Variants in TRAK1 observed in about 807,000 individuals in gnomAD.
TRAK1 encodes the protein trafficking kinesin protein 1.
TRAK1 carries 33 observed loss-of-function variants against 92.1 expected under a neutral mutation model. The ratio of observed to expected loss-of-function variants is 0.36; its 90% CI spans 0.27 to 0.48. The LOEUF is 0.48. Among genes scored for constraint, TRAK1 ranks in the 20% least tolerant of loss-of-function variants. The pLI is 0.99. For missense variants in TRAK1, 1,123 were observed against 1,257.9 expected, an observed-to-expected ratio of 0.89 and a Z score of 1.62; for synonymous variants, 521 against 517.3, an observed-to-expected ratio of 1.01 and a Z score of -0.10.
At chr3:42,215,517 TG>T (rs1709584848) in intron 14 of TRAK1, among the ~76,000 whole-genome samples, 3 of 152,144 alleles carry the variant, frequency 2.0e-5, no homozygotes, top group Admixed American at 6.5e-5. Flanking sequence ...TGTGTGTGTG[TG>T]TGTGTGTACT....
At chr3:42,038,506 C>T (rs1702408572) in intron 1 of TRAK1, among the ~76,000 whole-genome samples, 1 of 152,144 alleles carries the variant, frequency 6.6e-6, no homozygotes, top group Non-Finnish European at 1.5e-5. Context: ...TTTGTAGCGG[C>T]CAGGCACAGT....
intron 1 of TRAK1, among the ~76,000 whole-genome samples, chr3:42,109,952 T>C (rs1233359001): frequency 6.7e-6 from 1 of 149,786 alleles, no homozygotes; most frequent in Non-Finnish European, 1.5e-5. Flanking sequence ...GGGCCTGTCA[T>C]GGGGTAGGGG....
intron 1 of TRAK1, among the ~76,000 whole-genome samples, chr3:42,014,356 C>T (rs1043325483): frequency 6.6e-6 from 1 of 152,172 alleles, no homozygotes; most frequent in African/African-American, 2.4e-5. Flanking sequence ...ATTCCGCGCT[C>T]CGGCACTCCG....
At chr3:42,088,922 C>T (rs1284079570), upstream of TRAK1, among the ~76,000 whole-genome samples, 1 of 152,164 alleles carries the variant, frequency 6.6e-6, no homozygotes, top group Admixed American at 6.5e-5. Flanking sequence ...TGATCTCACC[C>T]AGCACACAGG....
At chr3:42,133,279 A>T (rs1238900337) in intron 2 of TRAK1, among the ~76,000 whole-genome samples, 4 of 152,116 alleles carry the variant, frequency 2.6e-5, no homozygotes, top group Admixed American at 2.6e-4. Context: ...ACCCTATAGC[A>T]GCCCCACCAG....
intron 2 of TRAK1, among the ~76,000 whole-genome samples, chr3:42,136,541 T>A (rs996464334): frequency 3.3e-5 from 5 of 151,988 alleles, no homozygotes; most frequent in African/African-American, 1.2e-4. Context: ...GGCGGGTCAC[T>A]TAAGCCAGGA....
intron 3 of TRAK1, among the ~76,000 whole-genome samples, chr3:42,179,884 C>A (rs746314805): frequency 6.6e-5 from 10 of 152,036 alleles, no homozygotes; most frequent in Admixed American, 2.0e-4. Flanking sequence ...CATCTTCTAG[C>A]TGTTTTCTTG....
chr3:42,167,526 C>A (rs1702019184), intron 2 of TRAK1, among the ~76,000 whole-genome samples: 1 of 152,158 alleles, frequency 6.6e-6, no homozygotes, highest in Non-Finnish European at 1.5e-5. Context: ...GGGCCCTCAC[C>A]CCGTTCCAGT....
At chr3:42,214,267 G>T (rs915064466) in intron 14 of TRAK1, among the ~76,000 whole-genome samples, 5 of 152,180 alleles carry the variant, frequency 3.3e-5, no homozygotes, top group African/African-American at 1.2e-4. Flanking sequence ...AGGAGGAGCT[G>T]TGCAACCACA....
chr3:42,069,630 C>A (rs113157186), intron 1 of TRAK1, among the ~76,000 whole-genome samples: 1 of 152,114 alleles, frequency 6.6e-6, no homozygotes, highest in South Asian at 2.1e-4. Flanking sequence ...ATCTCTAGAG[C>A]GTCTTTTCTT....
At chr3:42,182,513 AAACTCCT>A in intron 3 of TRAK1, among the ~76,000 whole-genome samples, 1 of 152,214 alleles carries the variant, frequency 6.6e-6, no homozygotes, top group South Asian at 2.1e-4. Context: ...GGCTGGTCTC[AAACTCCT>A]GACCTCAAGT....
At chr3:42,209,693 G>A in intron 13 of TRAK1, 74 bp from the exon 14 acceptor site, 1 of 1,447,124 alleles carries the variant, frequency 6.9e-7, no homozygotes, top group Non-Finnish European at 9.5e-7. Context: ...GTGGTAAACA[G>A]CCATTGTCTT....
intron 9 of TRAK1, 96 bp from the exon 10 acceptor site, chr3:42,194,708 T>G: frequency 6.8e-7 from 1 of 1,472,922 alleles, no homozygotes; most frequent in Non-Finnish European, 9.2e-7. Context: ...CTGGGGACTC[T>G]TAGATTGCTG....
At chr3:42,198,275 C>T (rs1374027103) in intron 10 of TRAK1, among the ~76,000 whole-genome samples, 1 of 152,166 alleles carries the variant, frequency 6.6e-6, no homozygotes, top group Non-Finnish European at 1.5e-5. Flanking sequence ...TGTTGAGTCT[C>T]AGCTTGAGGC....
chr3:42,043,619 G>GC (rs1019605248), intron 1 of TRAK1, among the ~76,000 whole-genome samples: 5 of 151,370 alleles, frequency 3.3e-5, no homozygotes, highest in African/African-American at 1.2e-4. Flanking sequence ...TGGAGCTGGG[G>GC]GGGGGGCGGG....
intron 1 of TRAK1, among the ~76,000 whole-genome samples, chr3:42,020,750 GA>G (rs911971739): frequency 2.0e-5 from 3 of 152,152 alleles, no homozygotes; most frequent in Non-Finnish European, 4.4e-5. Context: ...ACTTCCAGAA[GA>G]AAAAAAGATA....
chr3:42,165,641 C>G (rs1701766743), intron 2 of TRAK1, among the ~76,000 whole-genome samples: 1 of 152,136 alleles, frequency 6.6e-6, no homozygotes, highest in Non-Finnish European at 1.5e-5. Flanking sequence ...GAGTCCTGGG[C>G]CTTTGTTAAT....
Position 42,184,991 on chromosome 3 carries a change from T to C in TRAK1, c.480+190T>C, listed in dbSNP as rs1038073598. On this transcript the variant is annotated intron_variant, in intron 4 of 15. Coordinates refer to ENST00000327628, the MANE Select transcript of TRAK1 (RefSeq NM_001042646.3). ...GGACTAAAAGCCACCTTCCTGCAGC[T>C]CCTGCTGCTGCTTGTGTCTCTTTTC... The C allele has an allele frequency of 7.1e-6, 4 of 561,472 alleles. No individual in the cohort carries two copies. The African/African-American group carries it at 7.5e-5, about 11-fold the overall frequency. 34.8% of individuals were successfully genotyped at this position (561,472 alleles called of 1,614,324 possible). A position where few individuals can be genotyped will look rare whatever the true frequency, so the allele number is the denominator to read the frequency against.
chr3:42,052,267 A>G (rs181347862), intron 1 of TRAK1, among the ~76,000 whole-genome samples: 75 of 152,356 alleles, frequency 4.9e-4, no homozygotes, highest in African/African-American at 1.8e-3. Context: ...TACCGTCAGC[A>G]TCACTGGGAG....
Sources: gnomAD v4.1 joint callset for allele counts (sites outside exome capture counted in the v4.1 genomes callset) on GRCh38, gnomAD v4.1.1 for gene constraint, MANE v1.5 for transcripts, NCBI Gene and HGNC (gene_info 2026-07-23, HGNC 2026-07-21) for gene names.